The following VMP1 variants were observed in gnomAD, a reference collection of about 807,000 sequenced individuals.
VMP1 encodes vacuole membrane protein 1, also known as ectopic P-granules autophagy protein 3 homolog.
Under a neutral mutation model 56.0 loss-of-function variants are expected in VMP1, and 11 were observed. The observed-to-expected ratio is 0.20, with a 90% CI of 0.12 to 0.32. The LOEUF (loss-of-function observed/expected upper bound fraction) is 0.32. Ranked by LOEUF, VMP1 falls within the 10% of genes least tolerant of loss-of-function variation. The pLI is 1.00. For missense variants in VMP1, 296 were observed against 490.3 expected, an observed-to-expected ratio of 0.60 and a Z score of 3.74; for synonymous variants, 149 against 165.0, an observed-to-expected ratio of 0.90 and a Z score of 0.74.
intron 10 of VMP1, among the ~76,000 whole-genome samples, chr17:59,829,953 T>C (rs1018588362): frequency 2.6e-5 from 4 of 152,230 alleles, no homozygotes; most frequent in African/African-American, 9.6e-5. Flanking sequence ...TCTCAATTGA[T>C]AGAACTCTCT....
intron 10 of VMP1, among the ~76,000 whole-genome samples, 156 bp downstream of exon 10, chr17:59,817,929 T>C (rs1164452474): frequency 6.6e-6 from 1 of 152,210 alleles, no homozygotes; most frequent in Non-Finnish European, 1.5e-5. Context: ...GAATACTTTC[T>C]TGTTCTATAG....
chr17:59,739,596 T>A (rs554211185), intron 5 of VMP1, among the ~76,000 whole-genome samples: 1 of 149,106 alleles, frequency 6.7e-6, no homozygotes, highest in African/African-American at 2.5e-5. Flanking sequence ...TGGTGGCGGG[T>A]GCCTGTAGTC....
chr17:59,759,814 T>C (rs1462179738), intron 5 of VMP1, among the ~76,000 whole-genome samples: 1 of 152,122 alleles, frequency 6.6e-6, no homozygotes. Context: ...GTTTGTCATA[T>C]CTAATTTTTC....
In VMP1 at chr17:59,825,077, A is replaced by ATT. The variant is rs747807694; in HGVS notation, c.974+7330_974+7331dup. On this transcript the variant is annotated intron_variant, in intron 10 of 11. Transcript: ENST00000262291. ...CTCAAAAGGCATTATGTTAGTTGTGATTTTTTTTTTTTTTTTTTTTTTTTT... is the reference window on the plus strand; with the variant it reads ...CTCAAAAGGCATTATGTTAGTTGTGATTTTTTTTTTTTTTTTTTTTTTTTTTT... 7.3e-4 allele frequency among the ~76,000 whole-genome samples: 51 copies of ATT among 70,096 alleles called. 2 individuals are homozygous for ATT. Among genetic ancestry groups the ATT allele is most frequent in the African/African-American group, 2.2e-3 (40 of 17,812 alleles). 46.0% of individuals were successfully genotyped at this position (70,096 alleles called of 152,430 possible).
intron 7 of VMP1, among the ~76,000 whole-genome samples, chr17:59,792,683 G>A (rs916030317): frequency 2.0e-5 from 3 of 150,324 alleles, no homozygotes; most frequent in African/African-American, 7.4e-5. Context: ...TGACCAACAT[G>A]GAGGTCTGTA....
intron 7 of VMP1, among the ~76,000 whole-genome samples, chr17:59,797,893 A>G (rs947085809): frequency 2.0e-5 from 3 of 152,240 alleles, no homozygotes; most frequent in African/African-American, 7.2e-5. Context: ...AAAATAAACT[A>G]TGATAAAATA....
At chr17:59,814,753 A>G (rs2038168506) in intron 9 of VMP1, among the ~76,000 whole-genome samples, 1 of 152,210 alleles carries the variant, frequency 6.6e-6, no homozygotes, top group Non-Finnish European at 1.5e-5. Context: ...AAAAAGAAAA[A>G]GAAAGCTAAA....
intron 10 of VMP1, 61 bp from the exon 11 acceptor site, chr17:59,838,233 GT>G (rs1181619349): frequency 2.1e-6 from 3 of 1,435,358 alleles, no homozygotes; most frequent in African/African-American, 2.9e-5. Flanking sequence ...TTTCTTTAAC[GT>G]TTTTCCTGCT....
At chr17:59,832,945 A>C (rs1355998247) in intron 10 of VMP1, among the ~76,000 whole-genome samples, 3 of 151,932 alleles carry the variant, frequency 2.0e-5, no homozygotes, top group Non-Finnish European at 4.4e-5. Context: ...TCAGAGCTTA[A>C]GGGCAAATTG....
intron 1 of VMP1, among the ~76,000 whole-genome samples, chr17:59,715,818 T>C (rs935677079): frequency 9.9e-5 from 15 of 152,236 alleles, no homozygotes; most frequent in African/African-American, 3.6e-4. Context: ...GTCCAATTTT[T>C]ATTCCAAGTA....
At chr17:59,783,415 T>C (rs576889762) in intron 7 of VMP1, among the ~76,000 whole-genome samples, 1 of 152,320 alleles carries the variant, frequency 6.6e-6, no homozygotes, top group South Asian at 2.1e-4. Flanking sequence ...CCTTTTGCTC[T>C]TGGCTTTCTA....
chr17:59,755,210 C>T (rs1202563179), intron 5 of VMP1, among the ~76,000 whole-genome samples: 2 of 151,698 alleles, frequency 1.3e-5, no homozygotes, highest in African/African-American at 4.8e-5. Context: ...CACGTTCAAG[C>T]GATTCTCCTG....
chr17:59,727,561 C>G (rs2143782806), intron 1 of VMP1, among the ~76,000 whole-genome samples: 1 of 152,214 alleles, frequency 6.6e-6, no homozygotes, highest in African/African-American at 2.4e-5. Flanking sequence ...GACTGTGATC[C>G]TCTTGAGGAC....
intron 5 of VMP1, among the ~76,000 whole-genome samples, chr17:59,755,740 T>G (rs2035815432): frequency 7.1e-6 from 1 of 141,262 alleles, no homozygotes; most frequent in African/African-American, 3.0e-5. Flanking sequence ...TTTTGGTTTT[T>G]GGTTTTTTTT....
intron 1 of VMP1, among the ~76,000 whole-genome samples, chr17:59,726,709 A>AT (rs999049013): frequency 2.6e-5 from 4 of 152,160 alleles, no homozygotes; most frequent in Non-Finnish European, 4.4e-5. Flanking sequence ...TCCTCAGTTG[A>AT]TTTTTTTATT....
chr17:59,798,146 T>G (rs1356037569), intron 7 of VMP1, among the ~76,000 whole-genome samples: 2 of 152,208 alleles, frequency 1.3e-5, no homozygotes, highest in African/African-American at 2.4e-5. Context: ...TTTAAAAAAC[T>G]ACTCATACTG....
At chr17:59,716,984 T>A (rs1051225165) in intron 1 of VMP1, among the ~76,000 whole-genome samples, 9 of 152,094 alleles carry the variant, frequency 5.9e-5, no homozygotes, top group African/African-American at 2.2e-4. Context: ...TTTTATTTTT[T>A]TTTATTTTTT....
chr17:59,708,207 CA>C (rs1203189300), intron 1 of VMP1: 1 of 152,218 alleles, frequency 6.6e-6, no homozygotes, highest in Non-Finnish European at 1.5e-5. Context: ...TCCAGGCGTG[CA>C]AGTGCCATCT....
At chr17:59,741,148 A>G (rs944577662) in intron 5 of VMP1, among the ~76,000 whole-genome samples, 1 of 152,146 alleles carries the variant, frequency 6.6e-6, no homozygotes, top group Non-Finnish European at 1.5e-5. Flanking sequence ...GTGAGCTATG[A>G]TTGCACCATG....
Sources: allele counts gnomAD v4.1 joint callset (sites outside exome capture counted in the v4.1 genomes callset), GRCh38; gene constraint gnomAD v4.1.1; transcripts MANE v1.5; gene names NCBI Gene and HGNC (gene_info 2026-07-23, HGNC 2026-07-21).